The following CTNND2 variants were observed in gnomAD, a reference collection of about 807,000 sequenced individuals.
CTNND2 encodes catenin delta-2.
Under a neutral mutation model 144.4 loss-of-function variants are expected in CTNND2, and 22 were observed. The observed-to-expected ratio is 0.15, with a 90% CI of 0.11 to 0.22. The LOEUF (loss-of-function observed/expected upper bound fraction) is 0.22. CTNND2 is among the 10% of genes least tolerant of loss of function. The pLI is 1.00. For synonymous variants in CTNND2, 751 were observed against 695.6 expected, an observed-to-expected ratio of 1.08 and a Z score of -1.25; for missense variants, 1,353 against 1,618.8, an observed-to-expected ratio of 0.84 and a Z score of 2.82.
chr5:11,378,171 T>C (rs752789339), intron 7 of CTNND2, among the ~76,000 whole-genome samples: 1 of 152,160 alleles, frequency 6.6e-6, no homozygotes, highest in Non-Finnish European at 1.5e-5. Flanking sequence ...AGGAAATGGC[T>C]GGTGTGTGGA....
At chr5:11,520,614 C>A (rs538242487) in intron 3 of CTNND2, among the ~76,000 whole-genome samples, 129 of 152,316 alleles carry the variant, frequency 8.5e-4, no homozygotes, top group African/African-American at 3.0e-3. Context: ...ATGAGACACG[C>A]CCAGCCCTCA....
At chr5:11,895,509 T>C (rs748016602) in intron 1 of CTNND2, among the ~76,000 whole-genome samples, 2 of 152,128 alleles carry the variant, frequency 1.3e-5, no homozygotes, top group Non-Finnish European at 2.9e-5. Flanking sequence ...ACTCAGTCAG[T>C]TGGGGTACAA....
intron 14 of CTNND2, among the ~76,000 whole-genome samples, chr5:11,099,295 A>T (rs962754606): frequency 2.0e-5 from 3 of 152,232 alleles, no homozygotes; most frequent in Non-Finnish European, 4.4e-5. Context: ...AAACTGCTAT[A>T]GTCTATTAGA....
intron 1 of CTNND2, among the ~76,000 whole-genome samples, chr5:11,897,006 T>C (rs566330973): frequency 1.3e-5 from 2 of 152,296 alleles, no homozygotes; most frequent in South Asian, 4.1e-4. Flanking sequence ...CAACCTTCCA[T>C]GTCCTGGGTT....
intron 2 of CTNND2, among the ~76,000 whole-genome samples, chr5:11,690,742 C>CAAAAAAAAAAAAAAAA (rs58799389): frequency 2.7e-5 from 1 of 36,532 alleles, no homozygotes. Flanking sequence ...GACTCCGTCT[C>CAAAAAAAAAAAAAAAA]AAAAAAAAAA....
intron 2 of CTNND2, among the ~76,000 whole-genome samples, chr5:11,626,170 T>C (rs1781142305): frequency 1.3e-5 from 2 of 152,116 alleles, no homozygotes; most frequent in African/African-American, 4.8e-5. Flanking sequence ...CATTGTAACC[T>C]CAGCAAAAGG....
At chr5:11,464,899 T>C (rs562818151) in intron 3 of CTNND2, among the ~76,000 whole-genome samples, 55 of 152,332 alleles carry the variant, frequency 3.6e-4, no homozygotes, top group African/African-American at 1.1e-3. Flanking sequence ...ATTGTGATCA[T>C]ATTTATTTTA....
At chr5:11,571,668 C>T (rs1220527270) in intron 2 of CTNND2, among the ~76,000 whole-genome samples, 3 of 152,100 alleles carry the variant, frequency 2.0e-5, no homozygotes, top group Non-Finnish European at 4.4e-5. Context: ...CCCATGCACC[C>T]ACACCCCGCA....
Position 11,097,984 on chromosome 5 carries a change from A to G in CTNND2, c.2637+591T>C, listed in dbSNP as rs1053914719. On this transcript the variant is annotated intron_variant, in intron 15 of 21. Coordinates refer to ENST00000304623, the MANE Select transcript of CTNND2 (RefSeq NM_001332.4). ...CCCAAAATGAGTGTTATGAAAATCA[A>G]TCAGGAACAGTGTTAGTTTATAAGG... Among the ~76,000 whole-genome samples the G allele has an allele frequency of 1.1e-4, 16 of 152,338 alleles. 1 individual carries two copies. The highest frequency in any genetic ancestry group is 8.5e-4 in the Admixed American group (13 of 15,306).
intron 9 of CTNND2, among the ~76,000 whole-genome samples, chr5:11,257,730 C>T (rs1350703304): frequency 6.6e-6 from 1 of 152,158 alleles, no homozygotes; most frequent in Non-Finnish European, 1.5e-5. Context: ...TTATCACCCA[C>T]CCTAACAGGA....
chr5:11,364,993 T>C lies in CTNND2; in HGVS notation c.1178-103A>G, dbSNP rs61750668. On this transcript the variant is annotated intron_variant, in intron 7 of 21. Coordinates refer to ENST00000304623, the MANE Select transcript of CTNND2 (RefSeq NM_001332.4). ...ATTTTTTTGGACAAAATTGTTGAAA[T>C]TCCCAGGAAACCAAATGAATAGCAT... The C allele has an allele frequency of 6.3e-4, 605 of 958,112 alleles. 12 individuals are homozygous for C. The Admixed American group carries it at 0.016, about 26-fold the overall frequency. The allele number at this position is 958,112 out of a possible 1,614,324, so 59.4% of individuals were successfully genotyped here. A position where few individuals can be genotyped will look rare whatever the true frequency, so the allele number is the denominator to read the frequency against.
At chr5:11,387,144 G>A (rs1179111334) in intron 6 of CTNND2, among the ~76,000 whole-genome samples, 3 of 149,960 alleles carry the variant, frequency 2.0e-5, no homozygotes, top group Non-Finnish European at 4.4e-5. Flanking sequence ...TTTTTTGGAA[G>A]CTCAGCAGGT....
chr5:11,577,970 T>C (rs1440254620), intron 2 of CTNND2, among the ~76,000 whole-genome samples: 4 of 152,188 alleles, frequency 2.6e-5, no homozygotes, highest in African/African-American at 9.6e-5. Flanking sequence ...CAGTAGAGCT[T>C]TTCCGTAATT....
chr5:11,818,398 C>A (rs991142597), intron 1 of CTNND2, among the ~76,000 whole-genome samples: 5 of 148,410 alleles, frequency 3.4e-5, no homozygotes, highest in African/African-American at 5.0e-5. Flanking sequence ...TTTTTTTTTT[C>A]CTCGCTGTCA....
chr5:11,695,266 T>C (rs986559203), intron 2 of CTNND2, among the ~76,000 whole-genome samples: 1 of 152,208 alleles, frequency 6.6e-6, no homozygotes, highest in Non-Finnish European at 1.5e-5. Flanking sequence ...TTGCTTATTG[T>C]TCAAGACAAG....
At chr5:11,778,885 C>T (rs1790395104) in intron 1 of CTNND2, among the ~76,000 whole-genome samples, 1 of 152,180 alleles carries the variant, frequency 6.6e-6, no homozygotes. Flanking sequence ...ATTCTCTGTA[C>T]CATCTTTCCA....
chr5:11,773,830 G>C (rs1442730016), intron 1 of CTNND2, among the ~76,000 whole-genome samples: 2 of 121,714 alleles, frequency 1.6e-5, no homozygotes, highest in South Asian at 2.7e-4. Context: ...AAAAAAAAAA[G>C]CATACAACAA....
chr5:11,699,522 C>T (rs1785320383), intron 2 of CTNND2, among the ~76,000 whole-genome samples: 3 of 151,882 alleles, frequency 2.0e-5, no homozygotes, highest in African/African-American at 7.3e-5. Flanking sequence ...GAGAGGTGGG[C>T]CAGACCTTCT....
intron 11 of CTNND2, among the ~76,000 whole-genome samples, chr5:11,162,703 G>C (rs927351257): frequency 1.4e-5 from 2 of 146,816 alleles, no homozygotes; most frequent in Admixed American, 6.6e-5. Context: ...TTTTCTTGAG[G>C]GGGAATTCAG....
Sources: gnomAD v4.1 joint callset for allele counts (sites outside exome capture counted in the v4.1 genomes callset) on GRCh38, gnomAD v4.1.1 for gene constraint, MANE v1.5 for transcripts, NCBI Gene and HGNC (gene_info 2026-07-23, HGNC 2026-07-21) for gene names.